The following MATN2 variants were observed in gnomAD, a reference collection of about 807,000 sequenced individuals.
MATN2 encodes matrilin 2.
MATN2 carries 69 observed loss-of-function variants against 103.2 expected under a neutral mutation model. The ratio of observed to expected loss-of-function variants is 0.67; its 90% CI spans 0.55 to 0.82. The LOEUF (loss-of-function observed/expected upper bound fraction) is 0.82, where lower values mean the gene tolerates loss of function less well. Ranked by LOEUF, MATN2 falls within the 40% of genes least tolerant of loss-of-function variation. The pLI is 0.00. For synonymous variants in MATN2, 429 were observed against 450.2 expected, an observed-to-expected ratio of 0.95 and a Z score of 0.60; for missense variants, 1,023 against 1,211.5, an observed-to-expected ratio of 0.84 and a Z score of 2.31.
intron 1 of MATN2, among the ~76,000 whole-genome samples, chr8:97,873,501 T>C (rs1817966721): frequency 6.6e-6 from 1 of 152,014 alleles, no homozygotes; most frequent in African/African-American, 2.4e-5. Flanking sequence ...CCTGCTAATT[T>C]TTGTATGTTT....
In MATN2 at chr8:98,027,530, C is replaced by G. The variant is rs74661302; in HGVS notation, c.2057C>G (p.Thr686Arg). 7.7e-5 allele frequency: 125 copies of G among 1,613,890 alleles called. No individual in the cohort carries two copies. In the East Asian group the frequency reaches 2.5e-3, roughly 33 times the overall value. ...GTCACTGGAATTATAGATTCCTTGA[C>G]AATTTCCCCCAAAGCCGCTCGAGTG... The part of the protein sequence containing the change: ...QFVTGIIDSL[T>R]ISPKAARVGL... Residue 686 changes from threonine to arginine, a missense_variant, in exon 14 of 19, where the codon ACA (threonine) becomes AGA (arginine). By Grantham distance (71) the Thr-to-Arg change is moderately conservative. Coordinates refer to ENST00000254898, the MANE Select transcript of MATN2 (RefSeq NM_002380.5).
chr8:97,965,227 T>C (rs891641321), intron 5 of MATN2, among the ~76,000 whole-genome samples: 6 of 152,210 alleles, frequency 3.9e-5, no homozygotes, highest in South Asian at 2.1e-4. Flanking sequence ...CAGAAGGAAC[T>C]GGATTGTTCA....
rs754832592 is a variant in MATN2 at position 97,931,472 on chromosome 8, A to C, written c.662A>C (p.Asn221Thr). Residue 221 changes from asparagine to threonine, a missense_variant, in exon 3 of 19, where the codon AAT (asparagine) becomes ACT (threonine). Physicochemically the swap from Asn to Thr is moderately conservative, Grantham distance 65. Coordinates refer to ENST00000254898, the MANE Select transcript of MATN2 (RefSeq NM_002380.5). This position sits in a 1 kb window ranked among gnomAD's most constrained non-coding sequence, Gnocchi z 4.1. Reference protein sequence around the residue: ...PHEDHVFLVANFSQIETLTSV... With the variant: ...PHEDHVFLVATFSQIETLTSV... ...GAGGACCATGTCTTCCTTGTGGCCA[A>C]TTTCAGCCAGATTGAGACGCTGACC... is the stretch of plus-strand genomic sequence containing the variant. The C allele has an allele frequency of 6.2e-7, 1 of 1,613,270 alleles. No individual in the cohort carries two copies. The highest frequency in any genetic ancestry group is 8.5e-7 in the Non-Finnish European group (1 of 1,179,814).
intron 4 of MATN2, among the ~76,000 whole-genome samples, chr8:97,954,889 T>C (rs920426193): frequency 6.6e-6 from 1 of 152,166 alleles, no homozygotes; most frequent in Non-Finnish European, 1.5e-5. Flanking sequence ...GGATTACAAA[T>C]GGAAACTCTG....
rs1233555687 is a variant in MATN2, at chr8:97,982,279, A to G, written c.1081+3271A>G. Among the ~76,000 whole-genome samples the G allele has an allele frequency of 6.6e-6, 1 of 152,230 alleles. No individual in the cohort carries two copies. Among genetic ancestry groups the G allele is most frequent in the Non-Finnish European group, 1.5e-5 (1 of 68,040 alleles). On this transcript the variant is annotated intron_variant, in intron 6 of 18. Coordinates refer to ENST00000254898, the MANE Select transcript of MATN2 (RefSeq NM_002380.5). This position sits in a 1 kb window ranked among gnomAD's most constrained non-coding sequence, Gnocchi z 4.3. ...GCTCCAGATCTGTGGCAGGGACAAG[A>G]ACTGAGAAATAGAGACTAGTTAAAA...
chr8:98,032,718 G>A (rs1475647492), intron 16 of MATN2, among the ~76,000 whole-genome samples: 2 of 152,072 alleles, frequency 1.3e-5, no homozygotes, highest in East Asian at 3.9e-4. Flanking sequence ...TTTTAGTAGA[G>A]ACGGGGTTTT....
chr8:97,913,069 A>C (rs1215771199), intron 2 of MATN2, among the ~76,000 whole-genome samples: 1 of 152,174 alleles, frequency 6.6e-6, no homozygotes, highest in Non-Finnish European at 1.5e-5. Flanking sequence ...CCAGAACACG[A>C]AGTCTGGCTG....
At chr8:97,992,547 A>C (rs1317543577) in intron 6 of MATN2, among the ~76,000 whole-genome samples, 3 of 151,812 alleles carry the variant, frequency 2.0e-5, no homozygotes, top group African/African-American at 7.3e-5. Flanking sequence ...GGAGTTCAAG[A>C]CCAGCCTGGC....
At chr8:97,961,600 A>G (rs1411342481) in intron 5 of MATN2, 70 bp downstream of exon 5, 2 of 1,443,948 alleles carry the variant, frequency 1.4e-6, no homozygotes, top group East Asian at 5.1e-5. Context: ...GGGGAGACTC[A>G]CGTGTACCTC....
chr8:97,992,925 A>AAAC (rs562228113), intron 6 of MATN2, among the ~76,000 whole-genome samples: 7,068 of 101,404 alleles, frequency 0.07, 247 homozygotes, highest in Admixed American at 0.086. Flanking sequence ...GTCTCAAAAC[A>AAAC]AACAATAATA....
At chr8:97,888,031 C>A (rs913521366) in intron 1 of MATN2, 44 bp from the exon 2 acceptor site, 1 of 1,560,564 alleles carries the variant, frequency 6.4e-7, no homozygotes, top group Non-Finnish European at 8.6e-7. Flanking sequence ...CAGGGAGACC[C>A]GGAAATCTCA....
rs569244034 is a variant in MATN2 at position 98,007,420 on chromosome 8, C to T, written c.1451-59C>T. ...GGGTGAGCATGACGGTCACTTGATC[C>T]AATCACTGTCGCCCAGAGGTCTCAC... On this transcript the variant is annotated intron_variant, in intron 9 of 18. Transcript: ENST00000254898. This position sits in a 1 kb window ranked among gnomAD's most constrained non-coding sequence, Gnocchi z 4.2. 1 of 1,586,304 alleles carries T rather than the reference C, an allele frequency of 6.3e-7. No individual in the cohort carries two copies. Among genetic ancestry groups the T allele is most frequent in the South Asian group, 1.1e-5 (1 of 88,560 alleles).
At chr8:97,953,731 G>T (rs184412028) in intron 4 of MATN2, among the ~76,000 whole-genome samples, 1 of 151,664 alleles carries the variant, frequency 6.6e-6, no homozygotes, top group Admixed American at 6.6e-5. Flanking sequence ...CGGAGAATGC[G>T]GTGAGCCAAG....
At chr8:97,912,593 C>T (rs1262426652) in intron 2 of MATN2, among the ~76,000 whole-genome samples, 3 of 151,978 alleles carry the variant, frequency 2.0e-5, no homozygotes, top group Non-Finnish European at 4.4e-5. Context: ...AGGATGAGTA[C>T]AAGTCTGTGT....
In MATN2 at chr8:98,021,318, C is replaced by T. The variant is rs200356542; in HGVS notation, c.1933C>T (p.Arg645Trp). 196 of 1,612,908 alleles carry T rather than the reference C, an allele frequency of 1.2e-4. No homozygotes were observed. In the Middle Eastern group the frequency reaches 3.0e-3, roughly 24 times the overall value. Residue 645 changes from arginine (R) to tryptophan (W), a missense_variant, in exon 13 of 19, where the codon CGG becomes TGG. By Grantham distance (101) the Arg-to-Trp change is moderately radical (BLOSUM62 -3). Coordinates refer to ENST00000254898, the MANE Select transcript of MATN2 (RefSeq NM_002380.5). ...EGFVLAEDGR[R>W]CKKCTEGPID... ...ATTTGTTCTAGCTGAGGACGGAAGA[C>T]GGTGCAAGAGTAAGTGATCTGAACT... is the stretch of plus-strand genomic sequence containing the variant.
intron 3 of MATN2, among the ~76,000 whole-genome samples, chr8:97,935,862 T>C (rs1320325772): frequency 2.0e-5 from 3 of 152,116 alleles, no homozygotes; most frequent in Admixed American, 6.5e-5. Flanking sequence ...CATCTGCAGA[T>C]TGGGACAGGT....
At chr8:97,960,814 T>A (rs975367745) in intron 4 of MATN2, among the ~76,000 whole-genome samples, 81 of 152,172 alleles carry the variant, frequency 5.3e-4, no homozygotes, top group African/African-American at 1.7e-3. Flanking sequence ...GTGTTTTTTT[T>A]ATGTTATTTA....
At chr8:97,912,147 C>G (rs1442326223) in intron 2 of MATN2, among the ~76,000 whole-genome samples, 2 of 152,226 alleles carry the variant, frequency 1.3e-5, no homozygotes, top group East Asian at 1.9e-4. Flanking sequence ...TCCAGTCGTT[C>G]AAGTCCTTTT....
chr8:97,887,619 G>A (rs1818480442), intron 1 of MATN2, among the ~76,000 whole-genome samples: 1 of 152,198 alleles, frequency 6.6e-6, no homozygotes, highest in Non-Finnish European at 1.5e-5. Flanking sequence ...GCTACTTTAT[G>A]TCAACTACAC....
Sources: gnomAD v4.1 joint callset for allele counts (sites outside exome capture counted in the v4.1 genomes callset) on GRCh38, gnomAD v4.1.1 for gene constraint, Gnocchi (gnomAD v3.1) non-coding constraint, MANE v1.5 for transcripts, NCBI Gene and HGNC (gene_info 2026-07-23, HGNC 2026-07-21) for gene names.